The following SORCS1 variants were observed in gnomAD, a reference collection of about 807,000 sequenced individuals.
The protein encoded by SORCS1 is VPS10 domain-containing receptor SorCS1.
SORCS1 carries 60 observed loss-of-function variants against 146.1 expected under a neutral mutation model. That is an observed-to-expected ratio of 0.41 (90% CI 0.33 to 0.51). The LOEUF (loss-of-function observed/expected upper bound fraction) is 0.51. Ranked by LOEUF, SORCS1 falls within the 20% of genes least tolerant of loss-of-function variation. SORCS1 has a pLI of 0.21. For missense variants in SORCS1, 1,352 were observed against 1,487.6 expected (o/e 0.91, Z 1.50); for synonymous variants, 637 against 584.0 (o/e 1.09, Z -1.31).
At chr10:106,628,249 T>C (rs1204350986) in intron 19 of SORCS1, among the ~76,000 whole-genome samples, 2 of 152,196 alleles carry the variant, frequency 1.3e-5, no homozygotes, top group African/African-American at 4.8e-5. Flanking sequence ...CCCCTAATAG[T>C]CTTGCCCTCT....
At chr10:106,977,008 A>AT (rs1407717858) in intron 1 of SORCS1, among the ~76,000 whole-genome samples, 1 of 152,176 alleles carries the variant, frequency 6.6e-6, no homozygotes, top group African/African-American at 2.4e-5. Context: ...ATACATGTGC[A>AT]TGTGTCTTTA....
chr10:107,178,686 C>T, the SORCS1 span, among the ~76,000 whole-genome samples: 1 of 151,988 alleles, frequency 6.6e-6, no homozygotes, highest in Non-Finnish European at 1.5e-5. Flanking sequence ...ATAGGTTTCG[C>T]CTTGTTGGCC....
At chr10:106,596,087 A>G (rs1418065551) in intron 24 of SORCS1, among the ~76,000 whole-genome samples, 1 of 152,214 alleles carries the variant, frequency 6.6e-6, no homozygotes, top group Non-Finnish European at 1.5e-5. Flanking sequence ...CCAGGATTCC[A>G]TAGTGAGTAA....
At chr10:106,713,522 T>A (rs1481447976) in intron 6 of SORCS1, among the ~76,000 whole-genome samples, 2 of 152,178 alleles carry the variant, frequency 1.3e-5, no homozygotes, top group Non-Finnish European at 2.9e-5. Context: ...ATATAGAAAT[T>A]ATTAATCTAA....
Position 106,920,016 on chromosome 10 carries a change from C to T in SORCS1, c.626+36497G>A, listed in dbSNP as rs75687247. ...CTTCCTCCTCAGAGGTTGCTGATGA[C>T]GATAGAAAGGTTTTAGGGAGTAGGT... On this transcript the variant is annotated intron_variant, in intron 2 of 25. Transcript: ENST00000263054. Among the ~76,000 whole-genome samples, 28 of 152,230 alleles carry T rather than the reference C, an allele frequency of 1.8e-4. No individual in the cohort carries two copies. The East Asian group carries it at 3.5e-3, about 19-fold the overall frequency.
intron 1 of SORCS1, among the ~76,000 whole-genome samples, chr10:107,020,406 A>C (rs1433955738): frequency 6.6e-6 from 1 of 152,240 alleles, no homozygotes; most frequent in African/African-American, 2.4e-5. Context: ...AAGGAGGAAG[A>C]GGGAATGCTG....
chr10:107,043,179 A>G (rs190334389), intron 1 of SORCS1, among the ~76,000 whole-genome samples: 1 of 152,342 alleles, frequency 6.6e-6, no homozygotes, highest in East Asian at 1.9e-4. Context: ...GGAAATGTTA[A>G]GACCTCTCTC....
intron 22 of SORCS1, among the ~76,000 whole-genome samples, chr10:106,608,051 T>C (rs1383341322): frequency 6.6e-6 from 1 of 152,186 alleles, no homozygotes; most frequent in African/African-American, 2.4e-5. Context: ...TACCCCAGGG[T>C]TTCCCCTGAA....
chr10:106,638,798 C>A (rs1848878889), intron 18 of SORCS1, among the ~76,000 whole-genome samples: 1 of 152,084 alleles, frequency 6.6e-6, no homozygotes, highest in African/African-American at 2.4e-5. Flanking sequence ...AGTCAGGTGG[C>A]AACCTGGGAA....
chr10:106,830,728 T>G (rs1054524047), intron 2 of SORCS1, among the ~76,000 whole-genome samples: 3 of 151,840 alleles, frequency 2.0e-5, no homozygotes, highest in African/African-American at 7.3e-5. Context: ...ACACTCCTTC[T>G]CTATCAAAAA....
chr10:106,999,797 A>C (rs928010916), intron 1 of SORCS1, among the ~76,000 whole-genome samples: 1 of 152,256 alleles, frequency 6.6e-6, no homozygotes, highest in Non-Finnish European at 1.5e-5. Flanking sequence ...CCTCATGATG[A>C]AAACGGGATT....
intron 5 of SORCS1, among the ~76,000 whole-genome samples, chr10:106,749,655 C>T (rs1296505293): frequency 3.3e-5 from 5 of 152,174 alleles, no homozygotes; most frequent in Admixed American, 2.6e-4. Flanking sequence ...TACATGCACA[C>T]ATTAAAAATT....
At chr10:106,843,557 A>G (rs148762224) in intron 2 of SORCS1, among the ~76,000 whole-genome samples, 260 of 146,182 alleles carry the variant, frequency 1.8e-3, no homozygotes, top group Admixed American at 5.1e-3. Flanking sequence ...TCAGCCTCCC[A>G]AGTAGCTGGG....
intron 10 of SORCS1, among the ~76,000 whole-genome samples, chr10:106,683,738 T>C (rs1180090825): frequency 6.6e-6 from 1 of 152,240 alleles, no homozygotes; most frequent in Admixed American, 6.5e-5. Flanking sequence ...TCAGAGCTTT[T>C]GTAAAGAACA....
chr10:106,901,838 T>G (rs1370304254), intron 2 of SORCS1, among the ~76,000 whole-genome samples: 2 of 152,122 alleles, frequency 1.3e-5, no homozygotes, highest in Non-Finnish European at 2.9e-5. Context: ...GGTCAGGAGA[T>G]GGAGACCATC....
At chr10:106,935,981 T>C (rs1953691137) in intron 2 of SORCS1, among the ~76,000 whole-genome samples, 1 of 152,258 alleles carries the variant, frequency 6.6e-6, no homozygotes, top group East Asian at 1.9e-4. Flanking sequence ...TGGTAGCCTG[T>C]AAACTCAAAT....
At chr10:107,032,526 T>G (rs769567029) in intron 1 of SORCS1, among the ~76,000 whole-genome samples, 1 of 152,170 alleles carries the variant, frequency 6.6e-6, no homozygotes, top group Non-Finnish European at 1.5e-5. Flanking sequence ...TGCCCCTCAA[T>G]TCTACCTCTA....
intron 2 of SORCS1, among the ~76,000 whole-genome samples, chr10:106,885,107 C>T (rs1220018821): frequency 6.6e-6 from 1 of 152,102 alleles, no homozygotes; most frequent in Non-Finnish European, 1.5e-5. Flanking sequence ...TTTAGAATTT[C>T]TGTGGAAGGC....
chr10:106,651,130 T>C (rs577906772), intron 18 of SORCS1, among the ~76,000 whole-genome samples: 48 of 152,272 alleles, frequency 3.2e-4, no homozygotes, highest in African/African-American at 1.2e-3. Flanking sequence ...GAAAGGAGTA[T>C]GGGGTTACAC....
Sources: allele counts gnomAD v4.1 joint callset (sites outside exome capture counted in the v4.1 genomes callset), GRCh38; gene constraint gnomAD v4.1.1; transcripts MANE v1.5; gene names NCBI Gene and HGNC (gene_info 2026-07-23, HGNC 2026-07-21).